The following SPTBN1 variants were observed in gnomAD, a reference collection of about 807,000 sequenced individuals.
SPTBN1 encodes the protein spectrin beta chain, non-erythrocytic 1.
A neutral mutation model predicts 266.4 loss-of-function variants in SPTBN1; 32 were observed. That is an observed-to-expected ratio of 0.12 (90% CI 0.09 to 0.16). The LOEUF is 0.16. SPTBN1 is among the 10% of genes least tolerant of loss of function. The pLI, the probability that SPTBN1 is intolerant of heterozygous loss-of-function variation, is 1.00. For synonymous variants in SPTBN1, 1,336 were observed against 1,162.2 expected, an observed-to-expected ratio of 1.15 and a Z score of -3.04; for missense variants, 2,296 against 3,067.1, an observed-to-expected ratio of 0.75 and a Z score of 5.94.
At position 54,626,244 on chromosome 2, in the gene SPTBN1, G is replaced by T; in HGVS notation, c.1644+10G>T. 1 of 1,608,696 alleles carries T rather than the reference G, an allele frequency of 6.2e-7. No individual in the cohort carries two copies. Among genetic ancestry groups the T allele is most frequent in the South Asian group, 1.1e-5 (1 of 90,770 alleles). On this transcript the variant is annotated intron_variant, in intron 12 of 35. Coordinates refer to ENST00000356805, the MANE Select transcript of SPTBN1 (RefSeq NM_003128.3). The surrounding 1 kb of genome is among the most constrained non-coding windows in gnomAD (Gnocchi z 4.7). ...GATGGATGAAATGAAGGTAAAACCT[G>T]ACCGAAAGGAAGGACGACAGAGCTG...
Position 54,629,532 on chromosome 2 carries a change from C to A in SPTBN1, c.2398C>A (p.Leu800Ile), listed in dbSNP as rs768055976. The change falls in exon 14 of 36, where the codon CTT (leucine) becomes ATT (isoleucine). Residue 800 changes from leucine (L) to isoleucine (I), a missense_variant. Around this residue, in one of 12 missense-constraint regions of SPTBN1, gnomAD observed 434 missense variants for 573.9 expected, o/e 0.76. Transcript: ENST00000356805. ...AGAGATCGCCAATTACAGGCCCACC[C>A]TTGACACGCTGCACGAACAAGCCAG... Reference protein sequence around the residue: ...AEEIANYRPTLDTLHEQASAL... With the variant: ...AEEIANYRPTIDTLHEQASAL... 1 of 1,614,120 alleles carries A rather than the reference C, an allele frequency of 6.2e-7. No individual in the cohort carries two copies. The highest frequency in any genetic ancestry group is 8.5e-7 in the Non-Finnish European group (1 of 1,180,036).
rs1452518582 is a variant in SPTBN1 at position 54,655,860 on chromosome 2, A to G, written c.5962-54A>G. The G allele has an allele frequency of 3.7e-6, 5 of 1,366,190 alleles. 1 individual carries two copies. The highest frequency in any genetic ancestry group is 2.4e-5 in the South Asian group (2 of 83,586). The allele number at this position is 1,366,190 out of a possible 1,614,324, so 84.6% of individuals were successfully genotyped here. On this transcript the variant is annotated intron_variant, in intron 28 of 35. Transcript: ENST00000356805. Reference sequence around the variant, plus strand: ...TTTCTAGTATAAAATGACCCCATCAAGAGGATGTGGTGCATTCCATTAAGA... The same window carrying G: ...TTTCTAGTATAAAATGACCCCATCAGGAGGATGTGGTGCATTCCATTAAGA...
Position 54,661,323 on chromosome 2 carries a change from A to C in SPTBN1, c.6420+1324A>C, listed in dbSNP as rs377108464. 7 of 985,904 alleles carry C rather than the reference A, an allele frequency of 7.1e-6. No homozygotes were observed. In the East Asian group the frequency reaches 3.4e-4, roughly 48 times the overall value. The allele number at this position is 985,904 out of a possible 1,614,324, so 61.1% of individuals were successfully genotyped here. A position where few individuals can be genotyped will look rare whatever the true frequency, so the allele number is the denominator to read the frequency against. On this transcript the variant is annotated intron_variant, in intron 32 of 35. Coordinates refer to ENST00000356805, the MANE Select transcript of SPTBN1 (RefSeq NM_003128.3). ...CCATATTATACATCAAAACCTTGTG[A>C]GACATTCACTTGCTCTTTTGCCATA... is the stretch of plus-strand genomic sequence containing the variant.
intron 1 of SPTBN1, among the ~76,000 whole-genome samples, chr2:54,487,184 T>C (rs1293744608): frequency 1.4e-5 from 2 of 139,046 alleles, no homozygotes; most frequent in Admixed American, 1.5e-4. Context: ...TTTTTTTTTT[T>C]TTTTTTGCTG....
chr2:54,564,486 C>T (rs1233197417), intron 2 of SPTBN1, among the ~76,000 whole-genome samples: 1 of 152,180 alleles, frequency 6.6e-6, no homozygotes, highest in Non-Finnish European at 1.5e-5. Flanking sequence ...CACAGCAGGG[C>T]CCTGAGAAGA....
At position 54,478,866 on chromosome 2, in the gene SPTBN1, A is replaced by C. The variant is rs373099481; in HGVS notation, c.-48+22348A>C. The stretch of plus-strand genomic sequence containing the variant: ...TCTGAAAATACACAATACCAGAGAT[A>C]AAAAAAGATGTATGTACGTATATGT... On this transcript the variant is annotated intron_variant, in intron 1 of 35. Transcript: ENST00000356805. 1.4e-3 allele frequency among the ~76,000 whole-genome samples: 206 copies of C among 152,198 alleles called. 5 individuals are homozygous for C. In the South Asian group the frequency reaches 0.04, roughly 29 times the overall value.
Position 54,649,079 on chromosome 2 carries a change from A to G in SPTBN1, c.5091A>G (p.Arg1697=), listed in dbSNP as rs747864823. The part of the protein sequence containing the change: ...AEERRGKLDE[R]HRLFQLNREV... The stretch of plus-strand genomic sequence containing the variant: ...AGAGAAGAGGCAAGCTGGATGAGAG[A>G]CACAGGTTATTCCAGCTCAACCGGG... The change falls in exon 25 of 36, where the codon AGA becomes AGG. Residue 1697 remains arginine (R), a synonymous_variant. Coordinates refer to ENST00000356805, the MANE Select transcript of SPTBN1 (RefSeq NM_003128.3). The surrounding 1 kb of genome is among the most constrained non-coding windows in gnomAD (Gnocchi z 6.7). The G allele has an allele frequency of 1.2e-6, 2 of 1,614,104 alleles. No homozygotes were observed.
At chr2:54,571,112 G>T (rs1215933611) in intron 2 of SPTBN1, among the ~76,000 whole-genome samples, 2 of 152,114 alleles carry the variant, frequency 1.3e-5, no homozygotes, top group Non-Finnish European at 2.9e-5. Flanking sequence ...TGGGAAGTCT[G>T]CGGTGAAGAG....
intron 24 of SPTBN1, among the ~76,000 whole-genome samples, chr2:54,647,613 A>T (rs1461402834): frequency 6.6e-6 from 1 of 152,132 alleles, no homozygotes; most frequent in African/African-American, 2.4e-5. Context: ...CCAAGGTGGG[A>T]GGATTGCTTG....
chr2:54,547,873 G>C (rs573903887), intron 2 of SPTBN1, among the ~76,000 whole-genome samples: 2 of 152,198 alleles, frequency 1.3e-5, no homozygotes, highest in Non-Finnish European at 2.9e-5. Context: ...GGCCAGGCGT[G>C]GTGGCTCACA....
intron 1 of SPTBN1, among the ~76,000 whole-genome samples, chr2:54,459,683 T>C (rs1229803450): frequency 2.0e-5 from 3 of 152,230 alleles, no homozygotes; most frequent in African/African-American, 7.2e-5. Flanking sequence ...TTGGGCTTTA[T>C]TTAATGGCAG....
intron 6 of SPTBN1, 44 bp from the exon 7 acceptor site, chr2:54,618,034 T>C: frequency 1.3e-6 from 2 of 1,493,786 alleles, no homozygotes; most frequent in Non-Finnish European, 1.9e-6. Context: ...CATATTTCTT[T>C]TCAAGCCATG....
chr2:54,498,091 A>T (rs1669062383), intron 1 of SPTBN1, among the ~76,000 whole-genome samples: 3 of 152,166 alleles, frequency 2.0e-5, no homozygotes, highest in Non-Finnish European at 4.4e-5. Flanking sequence ...TCTGAAAAAA[A>T]CTTTGTTATA....
chr2:54,557,768 C>A, intron 2 of SPTBN1: 1 of 985,454 alleles, frequency 1.0e-6, no homozygotes, highest in Non-Finnish European at 1.2e-6. Flanking sequence ...AGGAAACCAC[C>A]GCCTTCATAT....
chr2:54,463,205 A>G (rs964181749), intron 1 of SPTBN1, among the ~76,000 whole-genome samples: 4 of 152,210 alleles, frequency 2.6e-5, no homozygotes, highest in Admixed American at 6.5e-5. Flanking sequence ...TGTAGGGTAA[A>G]TGGATGGCAG....
At chr2:54,525,596 CT>C (rs1670756670) in intron 1 of SPTBN1, among the ~76,000 whole-genome samples, 1 of 152,186 alleles carries the variant, frequency 6.6e-6, no homozygotes, top group African/African-American at 2.4e-5. Flanking sequence ...ATAAAATGAT[CT>C]GCTAGTTCTC....
rs781722565 is a variant in SPTBN1 at position 54,625,065 on chromosome 2, C to A, written c.1341+103C>A. On this transcript the variant is annotated intron_variant, in intron 11 of 35. Coordinates refer to ENST00000356805, the MANE Select transcript of SPTBN1 (RefSeq NM_003128.3). The stretch of plus-strand genomic sequence containing the variant: ...CAGAGGACAGCTGCTTATCGACATT[C>A]ATTATTCTGGAGGAACGTCAGGTCA... 2.2e-6 allele frequency: 3 copies of A among 1,393,838 alleles called. No individual in the cohort carries two copies. In the African/African-American group the frequency reaches 4.4e-5, roughly 21 times the overall value. The allele number at this position is 1,393,838 out of a possible 1,614,324, so 86.3% of individuals were successfully genotyped here. A position where few individuals can be genotyped will look rare whatever the true frequency, so the allele number is the denominator to read the frequency against.
rs1488170016 is a variant in SPTBN1, at chr2:54,653,985, G to A, written c.5822+132G>A. On this transcript the variant is annotated intron_variant, in intron 27 of 35. Transcript: ENST00000356805. The surrounding 1 kb of genome is among the most constrained non-coding windows in gnomAD (Gnocchi z 5.1). ...TCAAGGCCAGAGTGGGGGTGGGGCG[G>A]TGCTTGGAGTGCGGCACCACTGCTT... The A allele has an allele frequency of 2.2e-6, 3 of 1,344,930 alleles. No individual in the cohort carries two copies. Among genetic ancestry groups the A allele is most frequent in the Non-Finnish European group, 3.0e-6 (3 of 1,000,750 alleles). 83.3% of individuals were successfully genotyped at this position (1,344,930 alleles called of 1,614,324 possible).
chr2:54,529,625 A>G, intron 2 of SPTBN1: 1 of 722,084 alleles, frequency 1.4e-6, no homozygotes, highest in Non-Finnish European at 2.6e-6. Flanking sequence ...AAAAGACAAC[A>G]ACACCCTTGT....
Sources: gnomAD v4.1 joint callset for allele counts (sites outside exome capture counted in the v4.1 genomes callset) on GRCh38, gnomAD v4.1.1 for gene constraint, gnomAD v4.1.1 regional missense constraint, Gnocchi (gnomAD v3.1) non-coding constraint, MANE v1.5 for transcripts, NCBI Gene and HGNC (gene_info 2026-07-23, HGNC 2026-07-21) for gene names.